The following FHAD1 variants were observed in gnomAD, a reference collection of about 807,000 sequenced individuals.
The protein encoded by FHAD1 is forkhead associated phosphopeptide binding domain 1.
Under a neutral mutation model 191.3 loss-of-function variants are expected in FHAD1, and 146 were observed. The ratio of observed to expected loss-of-function variants is 0.76; its 90% CI spans 0.67 to 0.88. FHAD1 has a LOEUF of 0.88. Among genes scored for constraint, FHAD1 ranks in the 40% least tolerant of loss-of-function variants. The pLI, the probability that FHAD1 is intolerant of heterozygous loss-of-function variation, is 0.00. For missense variants in FHAD1, 1,635 were observed against 1,785.8 expected (o/e 0.92, Z 1.52); for synonymous variants, 616 against 672.3 (o/e 0.92, Z 1.29).
chr1:15,359,952 GA>G (rs1213659383), intron 21 of FHAD1, among the ~76,000 whole-genome samples: 33 of 145,950 alleles, frequency 2.3e-4, no homozygotes, highest in Admixed American at 4.1e-4. Flanking sequence ...TCCGTCTCAA[GA>G]AAAAAAAAAA....
intron 31 of FHAD1, among the ~76,000 whole-genome samples, chr1:15,387,788 G>T (rs1331800295): frequency 6.6e-6 from 1 of 152,210 alleles, no homozygotes; most frequent in Non-Finnish European, 1.5e-5. Flanking sequence ...GGGAGGCTGA[G>T]GTGGGAGGAC....
chr1:15,347,949 G>A (rs12126966), intron 18 of FHAD1, among the ~76,000 whole-genome samples: 2 of 152,196 alleles, frequency 1.3e-5, no homozygotes, highest in African/African-American at 2.4e-5. Context: ...TACCTGTCCC[G>A]ACTGCAGAGA....
chr1:15,314,020 A>ACTGAG (rs1217580556), intron 8 of FHAD1, among the ~76,000 whole-genome samples: 1 of 150,702 alleles, frequency 6.6e-6, no homozygotes, highest in East Asian at 1.9e-4. Context: ...AGATCGCGCC[A>ACTGAG]TTGCACTCCA....
At chr1:15,398,526 C>T (rs922749700), downstream of FHAD1, among the ~76,000 whole-genome samples, 1 of 152,096 alleles carries the variant, frequency 6.6e-6, no homozygotes, top group Non-Finnish European at 1.5e-5. Context: ...AGAGTTGAGT[C>T]TTGAACCCAG....
chr1:15,312,577 G>A lies in FHAD1; in HGVS notation c.1040-480G>A, dbSNP rs561138774. Among the ~76,000 whole-genome samples the A allele has an allele frequency of 6.6e-5, 10 of 152,296 alleles. No homozygotes were observed. The highest frequency in any genetic ancestry group is 1.9e-4 in the East Asian group (1 of 5,184). On this transcript the variant is annotated intron_variant, in intron 7 of 33. Coordinates refer to ENST00000688493, the MANE Select transcript of FHAD1 (RefSeq NM_001391957.1). This position sits in a 1 kb window ranked among gnomAD's most constrained non-coding sequence, Gnocchi z 4.7. Reference sequence around the variant, plus strand: ...CTTGGGAGGCCAAGGCAGGAGGATCGCCTGAGTCCAGGAGGTCGAGGCTGT... The same window carrying A: ...CTTGGGAGGCCAAGGCAGGAGGATCACCTGAGTCCAGGAGGTCGAGGCTGT...
At position 15,328,395 on chromosome 1, in the gene FHAD1, T is replaced by C; in HGVS notation, c.1676T>C (p.Ile559Thr). ...NSKQEETTEN[I>T]EKLRTSLDSC... ...AAGCAGGAGGAGACCACCGAGAACA[T>C]CGAGAAGCTGAGGACGTCGCTGGAC... The change falls in exon 13 of 34, where the codon ATC (isoleucine) becomes ACC (threonine). Residue 559 changes from isoleucine (I) to threonine (T), a missense_variant. Coordinates refer to ENST00000688493, the MANE Select transcript of FHAD1 (RefSeq NM_001391957.1). 6.5e-7 allele frequency: 1 copy of C among 1,544,354 alleles called. No individual in the cohort carries two copies. Among genetic ancestry groups the C allele is most frequent in the South Asian group, 1.2e-5 (1 of 83,428 alleles).
chr1:15,305,417 A>G (rs1670146888), intron 6 of FHAD1, among the ~76,000 whole-genome samples: 1 of 152,130 alleles, frequency 6.6e-6, no homozygotes, highest in African/African-American at 2.4e-5. Context: ...AGCCACGTGG[A>G]AAGAACTGGA....
intron 28 of FHAD1, 22 bp downstream of exon 28, chr1:15,375,752 T>G: frequency 6.6e-7 from 1 of 1,521,290 alleles, no homozygotes; most frequent in Non-Finnish European, 8.8e-7. Context: ...AAATTCTCTC[T>G]GCTGTGACTG....
At chr1:15,304,584 A>T (rs183144279) in intron 6 of FHAD1, among the ~76,000 whole-genome samples, 290 of 151,952 alleles carry the variant, frequency 1.9e-3, no homozygotes, top group African/African-American at 6.2e-3. Flanking sequence ...TAACTTTTTT[A>T]AAAAAAAATT....
intron 6 of FHAD1, among the ~76,000 whole-genome samples, chr1:15,303,020 T>C (rs1210037736): frequency 6.6e-6 from 1 of 152,192 alleles, no homozygotes; most frequent in East Asian, 1.9e-4. Context: ...TAGGACAGTG[T>C]CTGTTCATTC....
upstream of FHAD1, among the ~76,000 whole-genome samples, chr1:15,244,771 C>T (rs116166546): frequency 0.01 from 1,529 of 147,030 alleles, 5 homozygotes; most frequent in Non-Finnish European, 0.018. This position sits in a 1 kb window ranked among gnomAD's most constrained non-coding sequence, Gnocchi z 5.1. Context: ...GGGAGGGAGA[C>T]ACAATAAATA....
intron 14 of FHAD1, among the ~76,000 whole-genome samples, chr1:15,336,653 C>A (rs77843760): frequency 6.6e-6 from 1 of 152,168 alleles, no homozygotes; most frequent in South Asian, 2.1e-4. Context: ...TCGCTTCTTT[C>A]GCTCCTTTTC....
chr1:15,275,736 C>G (rs1365998299), intron 3 of FHAD1, among the ~76,000 whole-genome samples: 2 of 151,232 alleles, frequency 1.3e-5, no homozygotes, highest in African/African-American at 4.9e-5. Flanking sequence ...ATTTTGGGGT[C>G]CAGTTTTTCT....
Position 15,247,294 on chromosome 1 carries a change from G to T in FHAD1, c.-116G>T. 5.0e-6 allele frequency: 1 copy of T among 200,734 alleles called. No individual in the cohort carries two copies. Among genetic ancestry groups the T allele is most frequent in the Non-Finnish European group, 1.1e-5 (1 of 92,698 alleles). 12.4% of individuals were successfully genotyped at this position (200,734 alleles called of 1,614,324 possible). On this transcript the variant is annotated 5_prime_UTR_variant, in exon 1 of 34. Coordinates refer to ENST00000688493, the MANE Select transcript of FHAD1 (RefSeq NM_001391957.1). The stretch of plus-strand genomic sequence containing the variant: ...GCCGGGTGCGAGCTGGAGACTCCGC[G>T]GGAGCGCGGCCGGGAGGCTTCGCCC...
At chr1:15,363,901 C>A (rs955190401) in intron 23 of FHAD1, 5 of 408,330 alleles carry the variant, frequency 1.2e-5, no homozygotes, top group South Asian at 5.3e-5. Flanking sequence ...ACCTGCCTGA[C>A]CCTTGCACCA....
chr1:15,325,064 G>T lies in FHAD1; in HGVS notation c.1473+505G>T. The T allele has an allele frequency of 6.4e-6, 1 of 156,298 alleles. No homozygotes were observed. The highest frequency in any genetic ancestry group is 1.4e-5 in the Non-Finnish European group (1 of 70,396). 9.7% of individuals were successfully genotyped at this position (156,298 alleles called of 1,614,324 possible). ...TGAGCCACTCCGACCTGGTCTGGAG[G>T]TGCTGTTTCTTTGATGCTGTGGCCT... On this transcript the variant is annotated intron_variant, in intron 11 of 33. Transcript: ENST00000688493. The surrounding 1 kb of genome is among the most constrained non-coding windows in gnomAD (Gnocchi z 4.6).
chr1:15,338,296 G>A (rs374238423), intron 14 of FHAD1, among the ~76,000 whole-genome samples: 11 of 152,164 alleles, frequency 7.2e-5, no homozygotes, highest in South Asian at 2.1e-4. Flanking sequence ...AGCAGTATCC[G>A]TTTCCTGGCC....
intron 4 of FHAD1, among the ~76,000 whole-genome samples, chr1:15,290,144 G>T (rs971548423): frequency 6.6e-6 from 1 of 152,154 alleles, no homozygotes; most frequent in Non-Finnish European, 1.5e-5. Flanking sequence ...ATTCAGTCCC[G>T]TCTAATCTAA....
At chr1:15,342,977 G>A (rs1207698951) in intron 16 of FHAD1, among the ~76,000 whole-genome samples, 1 of 151,278 alleles carries the variant, frequency 6.6e-6, no homozygotes, top group Non-Finnish European at 1.5e-5. Context: ...TTTATTTTTT[G>A]TAGAAATGAG....
Sources: gnomAD v4.1 joint callset for allele counts (sites outside exome capture counted in the v4.1 genomes callset) on GRCh38, gnomAD v4.1.1 for gene constraint, Gnocchi (gnomAD v3.1) non-coding constraint, MANE v1.5 for transcripts, NCBI Gene and HGNC (gene_info 2026-07-23, HGNC 2026-07-21) for gene names.